The following CACNA1E variants were observed in gnomAD, a reference collection of about 807,000 sequenced individuals.
CACNA1E encodes voltage-dependent R-type calcium channel subunit alpha-1E.
CACNA1E carries 40 observed loss-of-function variants against 259.2 expected under a neutral mutation model. The observed-to-expected ratio is 0.15, with a 90% CI of 0.12 to 0.20. The LOEUF is 0.20. Among genes scored for constraint, CACNA1E ranks in the 10% least tolerant of loss-of-function variants. The probability of loss-of-function intolerance (pLI) is 1.00; values close to 1 mark genes in which losing one functional copy is unlikely to be tolerated. For missense variants in CACNA1E, 1,874 were observed against 3,040.1 expected (o/e 0.62, Z 9.02); for synonymous variants, 1,104 against 1,138.5 (o/e 0.97, Z 0.61).
intron 7 of CACNA1E, among the ~76,000 whole-genome samples, chr1:181,699,464 A>G (rs982393235): frequency 2.6e-5 from 4 of 152,200 alleles, no homozygotes; most frequent in African/African-American, 9.6e-5. Context: ...TCGGGAAGAG[A>G]GACAGAGCAG....
chr1:181,381,711 ATAGT>A (rs1265870185), intron 1 of CACNA1E, among the ~76,000 whole-genome samples: 19 of 152,246 alleles, frequency 1.2e-4, no homozygotes, highest in Admixed American at 1.0e-3. Context: ...ATACTATAGA[ATAGT>A]TAGTTATTAA....
intron 7 of CACNA1E, among the ~76,000 whole-genome samples, chr1:181,691,213 T>C (rs1651120363): frequency 6.6e-6 from 1 of 151,284 alleles, no homozygotes; most frequent in Non-Finnish European, 1.5e-5. Context: ...TGTATATATA[T>C]ATTTATTTAG....
chr1:181,482,476 C>A (rs890055689), upstream of CACNA1E, among the ~76,000 whole-genome samples: 3 of 152,250 alleles, frequency 2.0e-5, no homozygotes, highest in African/African-American at 7.2e-5. Context: ...GCAGAGGTGG[C>A]TGCTACCCTT....
chr1:181,322,990 A>G (rs542658640), intron 1 of CACNA1E, among the ~76,000 whole-genome samples: 16 of 152,186 alleles, frequency 1.1e-4, no homozygotes, highest in African/African-American at 3.9e-4. Context: ...GTGAGTTTTC[A>G]TATAATTTCT....
At chr1:181,637,454 CCCTT>C (rs1461000579) in intron 6 of CACNA1E, among the ~76,000 whole-genome samples, 11 of 88,964 alleles carry the variant, frequency 1.2e-4, no homozygotes, top group African/African-American at 3.8e-4. Context: ...CTCCCTCCCT[CCCTT>C]CCTCCTTTCC....
At chr1:181,783,374 A>C (rs913556670) in intron 39 of CACNA1E, among the ~76,000 whole-genome samples, 19 of 152,148 alleles carry the variant, frequency 1.2e-4, no homozygotes, top group Non-Finnish European at 2.8e-4. Flanking sequence ...TCCCTAACAA[A>C]GACATTCTTA....
chr1:181,454,228 T>C (rs1270718112), intron 2 of CACNA1E, among the ~76,000 whole-genome samples: 1 of 152,190 alleles, frequency 6.6e-6, no homozygotes, highest in Non-Finnish European at 1.5e-5. Flanking sequence ...AGGAAAGCCA[T>C]GCTGTATGGT....
intron 1 of CACNA1E, among the ~76,000 whole-genome samples, chr1:181,503,786 T>A (rs73051948): frequency 0.026 from 3,901 of 152,320 alleles, 162 homozygotes; most frequent in African/African-American, 0.089. Flanking sequence ...TCTGTGGGAA[T>A]GGATGGTCAT....
At chr1:181,649,340 G>T (rs932667338) in intron 6 of CACNA1E, among the ~76,000 whole-genome samples, 8 of 151,678 alleles carry the variant, frequency 5.3e-5, no homozygotes, top group African/African-American at 1.9e-4. Context: ...CTTTTATTCT[G>T]CTTCAATTGC....
intron 3 of CACNA1E, among the ~76,000 whole-genome samples, chr1:181,553,760 CAT>C (rs1648434968): frequency 6.6e-6 from 1 of 152,100 alleles, no homozygotes; most frequent in Non-Finnish European, 1.5e-5. Context: ...TTGAGATAAT[CAT>C]GTGGTTTTTG....
chr1:181,373,738 C>T (rs1654881823), intron 1 of CACNA1E, among the ~76,000 whole-genome samples: 1 of 151,866 alleles, frequency 6.6e-6, no homozygotes, highest in Admixed American at 6.6e-5. Flanking sequence ...GGGGTTTCAC[C>T]GTGGTCTCGA....
chr1:181,577,802 C>A lies in CACNA1E; in HGVS notation c.549C>A (p.His183Gln), dbSNP rs750697056. The A allele has an allele frequency of 6.2e-7, 1 of 1,611,072 alleles. No individual in the cohort carries two copies. ...CTGCAGGAACCCACTTCAATACTCA[C>A]GTGGACCTGAGGACCCTCCGGGCTG... ...LATAGTHFNT[H>Q]VDLRTLRAVR... Residue 183 changes from histidine (H) to glutamine (Q), a missense_variant, in exon 4 of 48, where the codon CAC (histidine) becomes CAA (glutamine). Transcript: ENST00000367573.
chr1:181,746,022 A>G (rs1657049503), intron 25 of CACNA1E, among the ~76,000 whole-genome samples: 1 of 152,210 alleles, frequency 6.6e-6, no homozygotes, highest in Admixed American at 6.5e-5. Context: ...GGAAAGGATT[A>G]TGCACCACTT....
exon 2 of CACNA1E, chr1:181,413,257 C>A (rs1340830957): frequency 6.6e-6 from 1 of 152,662 alleles, no homozygotes; most frequent in Admixed American, 6.5e-5. Flanking sequence ...GCCAACGCCA[C>A]GTCCTGGCCC....
At chr1:181,726,208 C>A (rs1426086334) in intron 18 of CACNA1E, 46 bp downstream of exon 18, 1 of 1,326,104 alleles carries the variant, frequency 7.5e-7, no homozygotes. Context: ...CCTGTGCTAA[C>A]AGCCAATTCA....
Position 181,318,286 on chromosome 1 carries a change from C to A in CACNA1E, c.-15+163C>A, listed in dbSNP as rs544661324. Among the ~76,000 whole-genome samples the A allele has an allele frequency of 3.2e-3, 488 of 152,216 alleles. 2 individuals are homozygous for A. The highest frequency in any genetic ancestry group is 4.7e-3 in the Non-Finnish European group (322 of 68,004). On this transcript the variant is annotated intron_variant, in intron 1 of 11. Transcript: ENST00000524607. ...CTTGGAGATCCGTAGTTGGCCCTAA[C>A]CTTCTCGGAATCTCCTCTGCACGCG...
intron 7 of CACNA1E, among the ~76,000 whole-genome samples, chr1:181,696,917 G>A (rs1278647379): frequency 6.6e-6 from 1 of 152,168 alleles, no homozygotes; most frequent in Non-Finnish European, 1.5e-5. Flanking sequence ...AGTAATTACT[G>A]TTTGATAATA....
At chr1:181,462,051 A>G (rs1360578289) in intron 2 of CACNA1E, among the ~76,000 whole-genome samples, 1 of 152,210 alleles carries the variant, frequency 6.6e-6, no homozygotes. Context: ...TATATTATGA[A>G]CAGTGTACTG....
chr1:181,368,700 A>G (rs899184484), intron 1 of CACNA1E, among the ~76,000 whole-genome samples: 2 of 152,212 alleles, frequency 1.3e-5, no homozygotes, highest in African/African-American at 4.8e-5. Context: ...ATGAGTGGCC[A>G]TGGAACTGAT....
Sources: allele counts gnomAD v4.1 joint callset (sites outside exome capture counted in the v4.1 genomes callset), GRCh38; gene constraint gnomAD v4.1.1; transcripts MANE v1.5; gene names NCBI Gene and HGNC (gene_info 2026-07-23, HGNC 2026-07-21).